The following RPTOR variants were observed in gnomAD, a reference collection of about 807,000 sequenced individuals.
RPTOR encodes regulatory-associated protein of mTOR.
RPTOR carries 21 observed loss-of-function variants against 169.9 expected under a neutral mutation model. The observed-to-expected ratio is 0.12, with a 90% CI of 0.09 to 0.18. The LOEUF (loss-of-function observed/expected upper bound fraction) is 0.18, where lower values mean the gene tolerates loss of function less well. Ranked by LOEUF, RPTOR falls within the 10% of genes least tolerant of loss-of-function variation. RPTOR has a pLI of 1.00. For synonymous variants in RPTOR, 732 were observed against 753.2 expected (o/e 0.97, Z 0.46); for missense variants, 1,133 against 1,855.9 (o/e 0.61, Z 7.16).
chr17:80,718,813 G>A (rs1041682126), intron 4 of RPTOR, among the ~76,000 whole-genome samples: 1 of 152,208 alleles, frequency 6.6e-6, no homozygotes. Flanking sequence ...AGAGCACCTC[G>A]CAGACTCTTA....
At chr17:80,598,833 C>T (rs546565994) in intron 1 of RPTOR, among the ~76,000 whole-genome samples, 11 of 152,152 alleles carry the variant, frequency 7.2e-5, no homozygotes, top group East Asian at 5.8e-4. Flanking sequence ...ACTGTTCAGA[C>T]GCTAGAAAAG....
intron 2 of RPTOR, among the ~76,000 whole-genome samples, chr17:80,634,713 T>C (rs1368835601): frequency 8.2e-6 from 1 of 121,726 alleles, no homozygotes; most frequent in East Asian, 2.3e-4. Context: ...ACTGTGTGTG[T>C]GCGTACTGTG....
intron 5 of RPTOR, among the ~76,000 whole-genome samples, chr17:80,747,182 C>T (rs577106583): frequency 5.1e-4 from 78 of 152,288 alleles, no homozygotes; most frequent in African/African-American, 1.7e-3. Flanking sequence ...CGCCACTGCA[C>T]GCCAGCCTAG....
chr17:80,874,959 G>A (rs566885550), intron 13 of RPTOR, among the ~76,000 whole-genome samples: 6 of 152,306 alleles, frequency 3.9e-5, no homozygotes, highest in East Asian at 3.9e-4. Flanking sequence ...CTGTGTTCAC[G>A]TCAGAACGCA....
chr17:80,807,306 CT>C (rs1003560993), intron 7 of RPTOR, among the ~76,000 whole-genome samples: 7 of 151,298 alleles, frequency 4.6e-5, no homozygotes, highest in East Asian at 1.9e-4. Flanking sequence ...TTGCTTCATC[CT>C]TTTTTTTTCC....
chr17:80,555,301 T>C (rs2084394741), intron 1 of RPTOR, among the ~76,000 whole-genome samples: 1 of 152,096 alleles, frequency 6.6e-6, no homozygotes, highest in South Asian at 2.1e-4. Flanking sequence ...GGGAGGATGT[T>C]TGTGAAGAGC....
chr17:80,613,934 C>G (rs1455124908), intron 1 of RPTOR, among the ~76,000 whole-genome samples: 1 of 152,230 alleles, frequency 6.6e-6, no homozygotes, highest in Non-Finnish European at 1.5e-5. Context: ...CCAGATGTGG[C>G]CGTGCTGAGT....
At chr17:80,817,427 G>A (rs147361760) in intron 7 of RPTOR, among the ~76,000 whole-genome samples, 18 of 152,078 alleles carry the variant, frequency 1.2e-4, no homozygotes, top group African/African-American at 3.4e-4. Context: ...CATGTGTTGC[G>A]TCTCCTGAGT....
intron 1 of RPTOR, among the ~76,000 whole-genome samples, chr17:80,617,248 T>A (rs566347279): frequency 6.6e-6 from 1 of 152,354 alleles, no homozygotes; most frequent in South Asian, 2.1e-4. Context: ...GGAATCACAG[T>A]TGTGGGTACA....
chr17:80,694,523 T>G (rs1047548448), intron 3 of RPTOR, among the ~76,000 whole-genome samples: 1 of 152,188 alleles, frequency 6.6e-6, no homozygotes, highest in African/African-American at 2.4e-5. Context: ...CGTGAATGTG[T>G]TGGTTCTGGT....
intron 7 of RPTOR, among the ~76,000 whole-genome samples, chr17:80,816,425 C>CCTCA (rs2067324081): frequency 2.0e-5 from 3 of 152,310 alleles, no homozygotes; most frequent in Admixed American, 1.3e-4. Context: ...TGGGGACCAG[C>CCTCA]AGTGGAGAAG....
intron 3 of RPTOR, among the ~76,000 whole-genome samples, chr17:80,677,141 G>T (rs1315466552): frequency 6.6e-6 from 1 of 152,146 alleles, no homozygotes; most frequent in African/African-American, 2.4e-5. Context: ...ATTGTGATAA[G>T]AAAAATAATC....
At chr17:80,742,576 A>G (rs1181593585) in intron 5 of RPTOR, among the ~76,000 whole-genome samples, 2 of 92,380 alleles carry the variant, frequency 2.2e-5, no homozygotes, top group Non-Finnish European at 4.9e-5. Flanking sequence ...ATGCACACAC[A>G]TAGACATATA....
At chr17:80,833,303 C>T (rs2067527391) in intron 9 of RPTOR, among the ~76,000 whole-genome samples, 1 of 152,194 alleles carries the variant, frequency 6.6e-6, no homozygotes, top group Admixed American at 6.5e-5. Context: ...TCCCTCTGCC[C>T]CCAGCTGCTG....
At chr17:80,854,118 C>G (rs950007006) in intron 11 of RPTOR, among the ~76,000 whole-genome samples, 1 of 152,190 alleles carries the variant, frequency 6.6e-6, no homozygotes, top group African/African-American at 2.4e-5. Context: ...AAACTAAACG[C>G]ATGCAGGGCA....
intron 17 of RPTOR, among the ~76,000 whole-genome samples, chr17:80,889,843 C>G (rs1202564886): frequency 8.3e-6 from 1 of 120,976 alleles, no homozygotes; most frequent in African/African-American, 3.1e-5. Flanking sequence ...GTGCGGCCTC[C>G]GAGGGAGGCC....
chr17:80,696,047 G>A (rs914645812), intron 3 of RPTOR, among the ~76,000 whole-genome samples: 1 of 152,200 alleles, frequency 6.6e-6, no homozygotes, highest in African/African-American at 2.4e-5. Context: ...CTGGCGACTG[G>A]CCTTGTTCTT....
In RPTOR at chr17:80,647,236, A is replaced by C. The variant is rs2065603152; in HGVS notation, c.348+3426A>C. ...TTAAGGCTTTGCCTTATTACCTTGT[A>C]GGTGTATAAATTTGTGTTCTGCCAG... On this transcript the variant is annotated intron_variant, in intron 3 of 33. Coordinates refer to ENST00000306801, the MANE Select transcript of RPTOR (RefSeq NM_020761.3). Among the ~76,000 whole-genome samples, 3 of 152,198 alleles carry C rather than the reference A, an allele frequency of 2.0e-5. No individual in the cohort carries two copies. In the South Asian group the frequency reaches 6.2e-4, roughly 31 times the overall value.
intron 13 of RPTOR, among the ~76,000 whole-genome samples, chr17:80,859,501 G>A (rs954572665): frequency 5.3e-5 from 8 of 152,342 alleles, no homozygotes; most frequent in South Asian, 4.1e-4. Context: ...AGCTGGGCTC[G>A]GAGCCAGGTT....
Sources: allele counts gnomAD v4.1 joint callset (sites outside exome capture counted in the v4.1 genomes callset), GRCh38; gene constraint gnomAD v4.1.1; transcripts MANE v1.5; gene names NCBI Gene and HGNC (gene_info 2026-07-23, HGNC 2026-07-21).